Variants in TXNRD1 observed in about 807,000 individuals in gnomAD.
The protein encoded by TXNRD1 is thioredoxin reductase 1.
TXNRD1 carries 57 observed loss-of-function variants against 80.3 expected under a neutral mutation model. The ratio of observed to expected loss-of-function variants is 0.71; its 90% CI spans 0.57 to 0.89. TXNRD1 has a LOEUF of 0.89. Ranked by LOEUF, TXNRD1 falls within the 40% of genes least tolerant of loss-of-function variation. TXNRD1 has a pLI of 0.00. For synonymous variants in TXNRD1, 291 were observed against 285.2 expected (o/e 1.02, Z -0.20); for missense variants, 730 against 803.0 (o/e 0.91, Z 1.10).
intron 2 of TXNRD1, among the ~76,000 whole-genome samples, chr12:104,254,644 A>AAAAATATATATATATATATATAT: frequency 1.1e-4 from 10 of 93,624 alleles, no homozygotes; most frequent in Admixed American, 1.3e-4. Flanking sequence ...AAAAAAAAAA[A>AAAAATATATATATATATATATAT]ATATATATAT....
At chr12:104,316,602 G>T (rs1175815384) in intron 7 of TXNRD1, among the ~76,000 whole-genome samples, 1 of 152,072 alleles carries the variant, frequency 6.6e-6, no homozygotes, top group East Asian at 1.9e-4. Flanking sequence ...TGTTAGCCAG[G>T]ATGGTCTCGA....
intron 1 of TXNRD1, chr12:104,224,856 C>T (rs754853738): frequency 2.2e-6 from 1 of 456,724 alleles, no homozygotes; most frequent in South Asian, 1.5e-5. Context: ...ATCTACCTCT[C>T]TGCCCCTGAC....
chr12:104,332,276 TA>T (rs2035977937), intron 14 of TXNRD1, among the ~76,000 whole-genome samples: 2 of 152,340 alleles, frequency 1.3e-5, no homozygotes, highest in African/African-American at 4.8e-5. Context: ...TAAATCATTT[TA>T]GGGAAAATTT....
chr12:104,346,640 C>T (rs951461263), intron 16 of TXNRD1, among the ~76,000 whole-genome samples: 4 of 152,116 alleles, frequency 2.6e-5, no homozygotes, highest in African/African-American at 9.7e-5. Context: ...ATTGTTTCCC[C>T]GTCCTCATCT....
chr12:104,231,391 G>C lies in TXNRD1; in HGVS notation c.91+15498G>C, dbSNP rs138129986. On this transcript the variant is annotated intron_variant, in intron 1 of 16. Coordinates refer to ENST00000525566, the MANE Select transcript of TXNRD1 (RefSeq NM_001093771.3). ...TCAGTTTGCAGCAGCATTTGGAGTT[G>C]GATTGCTTCTAGGCGAGAGGAAACA... 2.3e-3 allele frequency among the ~76,000 whole-genome samples: 349 copies of C among 152,246 alleles called. 3 individuals are homozygous for C. The highest frequency in any genetic ancestry group is 7.0e-3 in the African/African-American group (290 of 41,552).
chr12:104,238,395 G>C (rs1593694226), intron 1 of TXNRD1, among the ~76,000 whole-genome samples: 1 of 152,262 alleles, frequency 6.6e-6, no homozygotes, highest in Middle Eastern at 3.4e-3. Flanking sequence ...TAAATGGATT[G>C]CACTCAGAAA....
At chr12:104,312,047 G>A (rs1219901694) in intron 5 of TXNRD1, among the ~76,000 whole-genome samples, 1 of 151,806 alleles carries the variant, frequency 6.6e-6, no homozygotes, top group Non-Finnish European at 1.5e-5. Context: ...GGTATTGTGT[G>A]GAAATGGTCT....
At chr12:104,328,625 G>A (rs2035848766) in intron 13 of TXNRD1, among the ~76,000 whole-genome samples, 1 of 152,130 alleles carries the variant, frequency 6.6e-6, no homozygotes. Flanking sequence ...CCGTGGTGGT[G>A]GCGGGCGCCT....
rs779803713 is a variant in TXNRD1 at position 104,348,462 on chromosome 12, G to T, written c.*41G>T. On this transcript the variant is annotated 3_prime_UTR_variant, in exon 17 of 17. Coordinates refer to ENST00000525566, the MANE Select transcript of TXNRD1 (RefSeq NM_001093771.3). ...CTGTTGCCAAGACTGCAAACCACTG[G>T]CTCGTTTCCGTGCCCAAATCCAAGG... 4 of 1,602,968 alleles carry T rather than the reference G, an allele frequency of 2.5e-6. No homozygotes were observed. In the Admixed American group the frequency reaches 5.0e-5, roughly 20 times the overall value.
chr12:104,249,891 G>A (rs1384235772), intron 1 of TXNRD1, among the ~76,000 whole-genome samples: 4 of 139,986 alleles, frequency 2.9e-5, no homozygotes, highest in South Asian at 2.2e-4. Flanking sequence ...GGCCGAGATC[G>A]TGCCACTGTA....
At chr12:104,313,135 C>T (rs372968707) in intron 5 of TXNRD1, 110 bp from the exon 6 acceptor site, 21 of 742,180 alleles carry the variant, frequency 2.8e-5, no homozygotes, top group East Asian at 1.4e-4. Context: ...ATTAATTATT[C>T]GTTATGCTTT....
At chr12:104,260,894 G>A (rs375031143) in intron 3 of TXNRD1, among the ~76,000 whole-genome samples, 12 of 152,270 alleles carry the variant, frequency 7.9e-5, no homozygotes, top group Admixed American at 2.6e-4. Flanking sequence ...AGGTAACATC[G>A]GAAGAGATGG....
At chr12:104,218,252 T>C (rs1229800549) in intron 1 of TXNRD1, among the ~76,000 whole-genome samples, 5 of 151,890 alleles carry the variant, frequency 3.3e-5, no homozygotes, top group Admixed American at 3.3e-4. Flanking sequence ...TCTTGAACTC[T>C]TGACCTCGTG....
intron 4 of TXNRD1, chr12:104,304,695 G>C: frequency 1.2e-6 from 2 of 1,613,804 alleles, no homozygotes; most frequent in East Asian, 2.2e-5. Flanking sequence ...TCTTTTTCTC[G>C]TACTGTGGAG....
chr12:104,251,551 CTT>C lies in TXNRD1; in HGVS notation c.118_119del (p.Leu40AlafsTer33). ...GCTAAAGATCATCACCCTGGTAAAA[CTT>C]TGCCAGAGAACCCAGCAGGATTCAC... On this transcript the variant is annotated frameshift_variant, in exon 2 of 17. Transcript: ENST00000525566. LOFTEE classifies it high-confidence loss of function. 1.2e-6 allele frequency: 2 copies of C among 1,613,948 alleles called. No individual in the cohort carries two copies. The highest frequency in any genetic ancestry group is 2.2e-5 in the South Asian group (2 of 91,074).
chr12:104,262,585 A>G (rs2033390374), intron 3 of TXNRD1: 1 of 152,194 alleles, frequency 6.6e-6, no homozygotes, highest in Admixed American at 6.6e-5. Flanking sequence ...CCTGGATCAT[A>G]GTGGGTATTT....
intron 7 of TXNRD1, among the ~76,000 whole-genome samples, chr12:104,318,034 T>C (rs904330456): frequency 3.3e-5 from 5 of 152,116 alleles, no homozygotes; most frequent in Non-Finnish European, 5.9e-5. Flanking sequence ...CCAGCTACTC[T>C]TGAGGCTGAG....
intron 4 of TXNRD1, chr12:104,309,771 A>G (rs992695374): frequency 2.0e-6 from 3 of 1,530,590 alleles, no homozygotes; most frequent in African/African-American, 2.7e-5. Flanking sequence ...CTTTGTATTG[A>G]AGGAGGAACC....
Position 104,319,591 on chromosome 12 carries a change from G to C in TXNRD1, c.989+6G>C. On this transcript the variant is annotated splice_donor_region_variant and intron_variant, in intron 9 of 16. Coordinates refer to ENST00000525566, the MANE Select transcript of TXNRD1 (RefSeq NM_001093771.3). The stretch of plus-strand genomic sequence containing the variant: ...AAAGAATACTGCATCAGCAGGTAAA[G>C]GAAAAAAGCAGGGTGGAAAAGAAAA... 1 of 1,576,508 alleles carries C rather than the reference G, an allele frequency of 6.3e-7. No homozygotes were observed. Among genetic ancestry groups the C allele is most frequent in the South Asian group, 1.2e-5 (1 of 85,452 alleles).
Sources: gnomAD v4.1 joint callset for allele counts (sites outside exome capture counted in the v4.1 genomes callset) on GRCh38, gnomAD v4.1.1 for gene constraint, MANE v1.5 for transcripts, NCBI Gene and HGNC (gene_info 2026-07-23, HGNC 2026-07-21) for gene names.